Variants in FAM47E observed in about 807,000 individuals in gnomAD.
FAM47E encodes the protein protein FAM47E.
A neutral mutation model predicts 41.6 loss-of-function variants in FAM47E; 32 were observed. That is an observed-to-expected ratio of 0.77 (90% confidence interval 0.58 to 1.03). The LOEUF (loss-of-function observed/expected upper bound fraction) is 1.03, where lower values mean the gene tolerates loss of function less well. Among genes scored for constraint, FAM47E ranks in the 50% least tolerant of loss-of-function variants. The probability of loss-of-function intolerance (pLI) is 0.00; values close to 1 mark genes in which losing one functional copy is unlikely to be tolerated. For missense variants in FAM47E, 424 were observed against 485.4 expected, an observed-to-expected ratio of 0.87 and a Z score of 1.19; for synonymous variants, 184 against 188.7, an observed-to-expected ratio of 0.98 and a Z score of 0.20.
chr4:76,234,575 C>G (rs73828720), intron 2 of FAM47E: 16,906 of 152,170 alleles, frequency 0.11, 1,046 homozygotes, highest in African/African-American at 0.18. Flanking sequence ...CCGCTGCAAA[C>G]AGCGTGAACT....
At chr4:76,251,568 G>T, upstream of FAM47E, 3 of 1,246,274 alleles carry the variant, frequency 2.4e-6, no homozygotes, top group South Asian at 2.2e-5. Flanking sequence ...CCTTCCCTCG[G>T]CCAGGTCCAC....
intron 1 of FAM47E, among the ~76,000 whole-genome samples, chr4:76,254,092 T>C (rs12646113): frequency 0.69 from 103,846 of 149,452 alleles, 36,645 homozygotes; most frequent in Non-Finnish European, 0.78. Context: ...ATTGCCACTG[T>C]ACCCTAGCTT....
chr4:76,227,118 GA>G (rs1235094133), intron 2 of FAM47E, among the ~76,000 whole-genome samples: 15 of 152,238 alleles, frequency 9.9e-5, no homozygotes, highest in Middle Eastern at 3.4e-3. Flanking sequence ...TGTGACCTTA[GA>G]GTGTCTATTT....
chr4:76,262,211 G>C (rs571979969), intron 2 of FAM47E, among the ~76,000 whole-genome samples: 3 of 152,148 alleles, frequency 2.0e-5, no homozygotes, highest in Admixed American at 6.5e-5. Flanking sequence ...AAAGAGCAGT[G>C]CATGTAGAAA....
chr4:76,280,389 T>A (rs779831697), intron 7 of FAM47E, 48 bp downstream of exon 7: 46 of 1,106,254 alleles, frequency 4.2e-5, no homozygotes, highest in Non-Finnish European at 5.2e-5. Flanking sequence ...GCTTCATGGC[T>A]CACAGTTGTT....
intron 2 of FAM47E, among the ~76,000 whole-genome samples, chr4:76,241,431 G>A (rs1733709201): frequency 6.6e-6 from 1 of 151,992 alleles, no homozygotes; most frequent in Non-Finnish European, 1.5e-5. Context: ...GCAACAATCA[G>A]CAATCAGAGC....
intron 2 of FAM47E, among the ~76,000 whole-genome samples, chr4:76,245,945 A>G (rs1211277364): frequency 6.6e-6 from 1 of 152,162 alleles, no homozygotes; most frequent in African/African-American, 2.4e-5. Flanking sequence ...CATCATGCTC[A>G]ATGCTACTGA....
At position 76,271,651 on chromosome 4, in the gene FAM47E, C is replaced by T. The variant is rs1447950600; in HGVS notation, c.753C>T (p.His251=). The T allele has an allele frequency of 2.6e-6, 4 of 1,552,190 alleles. No homozygotes were observed. Among genetic ancestry groups the T allele is most frequent in the Admixed American group, 2.0e-5 (1 of 51,012 alleles). The stretch of plus-strand genomic sequence containing the variant: ...CCAAACCAAGCCATGATGCGCTCCA[C>T]ACGATGAAGCTAAATCAGGTTCCTC... The part of the protein sequence containing the change: ...YETKPSHDAL[H]TMKLNQVPLE... Residue 251 remains histidine, a synonymous_variant, in exon 5 of 8, where the codon CAC becomes CAT. Transcript: ENST00000424749.
chr4:76,236,847 A>G (rs1036485138), intron 2 of FAM47E, among the ~76,000 whole-genome samples: 1 of 151,886 alleles, frequency 6.6e-6, no homozygotes, highest in Non-Finnish European at 1.5e-5. Context: ...GGAAGCCTTC[A>G]GGTAGTAGGC....
intron 2 of FAM47E, among the ~76,000 whole-genome samples, chr4:76,240,549 C>T (rs1401460846): frequency 2.6e-5 from 4 of 152,138 alleles, no homozygotes; most frequent in Non-Finnish European, 1.5e-5. Flanking sequence ...TGACGATGTC[C>T]TACAGGTCCT....
chr4:76,253,366 T>C (rs1392954498), intron 1 of FAM47E, among the ~76,000 whole-genome samples: 1 of 152,226 alleles, frequency 6.6e-6, no homozygotes, highest in Non-Finnish European at 1.5e-5. Flanking sequence ...TCTGAGAACA[T>C]ACTTTTTCAT....
chr4:76,214,458 C>T, intron 1 of FAM47E: 1 of 370,674 alleles, frequency 2.7e-6, no homozygotes, highest in South Asian at 2.0e-5. Context: ...AAGAGCAAAA[C>T]CTGTAGGAAG....
chr4:76,244,356 C>G (rs531687089), intron 2 of FAM47E, among the ~76,000 whole-genome samples: 1 of 152,070 alleles, frequency 6.6e-6, no homozygotes, highest in South Asian at 2.1e-4. Flanking sequence ...ACACTCCCAC[C>G]AACAGTGTAA....
At chr4:76,220,359 G>A (rs1227463137) in intron 2 of FAM47E, among the ~76,000 whole-genome samples, 2 of 152,210 alleles carry the variant, frequency 1.3e-5, no homozygotes, top group African/African-American at 4.8e-5. Context: ...GGGTGTGGTG[G>A]CTCATACCTG....
intron 2 of FAM47E, among the ~76,000 whole-genome samples, chr4:76,233,484 C>G (rs894057237): frequency 6.6e-6 from 1 of 152,110 alleles, no homozygotes; most frequent in African/African-American, 2.4e-5. Context: ...TGAAAGGCAT[C>G]ACAGCTTTTA....
At chr4:76,241,091 T>C (rs1733701089) in intron 2 of FAM47E, among the ~76,000 whole-genome samples, 1 of 152,210 alleles carries the variant, frequency 6.6e-6, no homozygotes, top group South Asian at 2.1e-4. Context: ...TTTTGTTTTT[T>C]ATTGTTATAG....
At chr4:76,281,517 A>G (rs1735344560) in intron 7 of FAM47E, 1 of 151,750 alleles carries the variant, frequency 6.6e-6, no homozygotes, top group African/African-American at 2.4e-5. Flanking sequence ...TAGCTTTAAT[A>G]TTACATAATT....
chr4:76,243,483 T>A (rs1733754446), intron 2 of FAM47E, among the ~76,000 whole-genome samples: 2 of 152,300 alleles, frequency 1.3e-5, no homozygotes, highest in South Asian at 4.1e-4. Context: ...TTTTAGTATT[T>A]CATAACCCAC....
intron 2 of FAM47E, among the ~76,000 whole-genome samples, chr4:76,237,158 G>A (rs1733602694): frequency 6.6e-6 from 1 of 152,002 alleles, no homozygotes; most frequent in Non-Finnish European, 1.5e-5. Context: ...GCCTCCCAAA[G>A]TGCTGGGCTT....
Sources: gnomAD v4.1 joint callset for allele counts (sites outside exome capture counted in the v4.1 genomes callset) on GRCh38, gnomAD v4.1.1 for gene constraint, MANE v1.5 for transcripts, NCBI Gene and HGNC (gene_info 2026-07-23, HGNC 2026-07-21) for gene names.